PTGER3: variants seen among roughly 807,000 people sequenced by gnomAD.
PTGER3 encodes prostaglandin E receptor 3.
Under a neutral mutation model 34.7 loss-of-function variants are expected in PTGER3, and 22 were observed. The observed-to-expected ratio is 0.63, with a 90% confidence interval of 0.45 to 0.91. The LOEUF (loss-of-function observed/expected upper bound fraction) is 0.91, where lower values mean the gene tolerates loss of function less well. PTGER3 is among the 40% of genes least tolerant of loss of function. PTGER3 has a pLI of 0.00. For synonymous variants in PTGER3, 241 were observed against 230.1 expected, an observed-to-expected ratio of 1.05 and a Z score of -0.43; for missense variants, 468 against 519.4, an observed-to-expected ratio of 0.90 and a Z score of 0.96.
chr1:70,963,047 G>A (rs553588067), intron 2 of PTGER3, among the ~76,000 whole-genome samples: 1 of 152,192 alleles, frequency 6.6e-6, no homozygotes, highest in South Asian at 2.1e-4. Flanking sequence ...AAAATGAAGG[G>A]GATGCAGGCC....
At chr1:70,956,461 G>T (rs889869076) in intron 2 of PTGER3, among the ~76,000 whole-genome samples, 1 of 151,784 alleles carries the variant, frequency 6.6e-6, no homozygotes, top group African/African-American at 2.4e-5. Flanking sequence ...TCTTTAAAAA[G>T]TGGGGCATGA....
At chr1:70,905,869 T>C (rs1052881845) in intron 4 of PTGER3, among the ~76,000 whole-genome samples, 1 of 151,752 alleles carries the variant, frequency 6.6e-6, no homozygotes, top group Non-Finnish European at 1.5e-5. Flanking sequence ...GGGCCAGGAG[T>C]GGAATGACAT....
intron 1 of PTGER3, among the ~76,000 whole-genome samples, chr1:71,034,609 A>G (rs1046529498): frequency 1.3e-5 from 2 of 152,374 alleles, no homozygotes; most frequent in Admixed American, 6.5e-5. Context: ...TAAAATAAAA[A>G]TAAATGTAGT....
intron 2 of PTGER3, chr1:71,011,564 T>A: frequency 3.0e-6 from 3 of 984,980 alleles, no homozygotes; most frequent in Non-Finnish European, 3.6e-6. Flanking sequence ...ATTTGGGTAG[T>A]CACAAACTCC....
chr1:70,993,330 G>T (rs1320731459), intron 2 of PTGER3, among the ~76,000 whole-genome samples: 2 of 152,200 alleles, frequency 1.3e-5, no homozygotes, highest in Non-Finnish European at 1.5e-5. Context: ...TTTATAAAGC[G>T]CATGTGTATA....
At chr1:71,039,649 C>CAAA (rs1183485427) in intron 1 of PTGER3, among the ~76,000 whole-genome samples, 32 of 54,310 alleles carry the variant, frequency 5.9e-4, no homozygotes, top group African/African-American at 9.7e-4. Context: ...GACTCTGTCT[C>CAAA]AAAAAAAAAA....
At chr1:71,041,518 G>C (rs1660311785) in intron 1 of PTGER3, among the ~76,000 whole-genome samples, 1 of 152,102 alleles carries the variant, frequency 6.6e-6, no homozygotes. Context: ...GTAAAATGTT[G>C]CCATATACTT....
chr1:71,020,408 T>C (rs186143701), intron 1 of PTGER3, among the ~76,000 whole-genome samples: 196 of 152,316 alleles, frequency 1.3e-3, no homozygotes, highest in African/African-American at 4.6e-3. Flanking sequence ...GTCATTTATC[T>C]CTGAACTTTA....
intron 4 of PTGER3, chr1:70,862,312 G>C: frequency 7.4e-7 from 1 of 1,356,842 alleles, no homozygotes; most frequent in Admixed American, 1.9e-5. Context: ...TACATCTGCT[G>C]TCAAAATAGT....
intron 4 of PTGER3, among the ~76,000 whole-genome samples, chr1:70,925,747 G>GT (rs1648014642): frequency 6.6e-6 from 1 of 152,116 alleles, no homozygotes; most frequent in African/African-American, 2.4e-5. Flanking sequence ...CTTAAGTGGG[G>GT]TTTTGTTAGT....
chr1:71,007,500 T>C (rs1005872253), intron 2 of PTGER3: 152 of 985,296 alleles, frequency 1.5e-4, no homozygotes, highest in Middle Eastern at 5.2e-4. Flanking sequence ...CAAAGATAAA[T>C]GCAGTCGGTC....
At chr1:70,960,747 C>T (rs1371404932) in intron 2 of PTGER3, among the ~76,000 whole-genome samples, 1 of 152,088 alleles carries the variant, frequency 6.6e-6, no homozygotes, top group Non-Finnish European at 1.5e-5. Context: ...TAAACTGCTC[C>T]TTAAAAAATA....
intron 2 of PTGER3, among the ~76,000 whole-genome samples, chr1:70,964,708 A>G (rs594095): frequency 2.4e-4 from 36 of 152,124 alleles, no homozygotes; most frequent in Non-Finnish European, 5.9e-5. Context: ...TCAAGCGGTT[A>G]TTCAGAAAAT....
rs145553663 is a variant in PTGER3, at chr1:70,988,393, C to T, written c.1078-14005G>A. On this transcript the variant is annotated intron_variant, in intron 2 of 3. Transcript: ENST00000306666. ...AGAGCCCTGATTATGAGGTGGATAC[C>T]GACTAAAACACTGCATTTCCAGACT... Among the ~76,000 whole-genome samples the T allele has an allele frequency of 1.8e-4, 28 of 152,230 alleles. No homozygotes were observed. The East Asian group carries it at 4.4e-3, about 24-fold the overall frequency.
chr1:71,008,395 CTT>C, intron 2 of PTGER3: 2 of 873,960 alleles, frequency 2.3e-6, no homozygotes, highest in Non-Finnish European at 2.7e-6. Flanking sequence ...TATGACTAAA[CTT>C]ATATAAATTA....
chr1:71,019,547 T>C (rs1388411272), intron 1 of PTGER3, among the ~76,000 whole-genome samples: 1 of 152,178 alleles, frequency 6.6e-6, no homozygotes, highest in Non-Finnish European at 1.5e-5. Context: ...CCCTGTCTAC[T>C]GTCAAGTACA....
intron 4 of PTGER3, among the ~76,000 whole-genome samples, chr1:70,925,711 A>C (rs1188168547): frequency 6.6e-6 from 1 of 152,198 alleles, no homozygotes; most frequent in Admixed American, 6.6e-5. Flanking sequence ...ATGAAAAATA[A>C]GGAAAGTATA....
intron 4 of PTGER3, among the ~76,000 whole-genome samples, chr1:70,927,123 G>A (rs1462228079): frequency 6.6e-6 from 1 of 152,250 alleles, no homozygotes; most frequent in African/African-American, 2.4e-5. Context: ...GTTCATCAAG[G>A]ATATTGGTCT....
chr1:71,025,756 A>C (rs1037085122), intron 1 of PTGER3, among the ~76,000 whole-genome samples: 1 of 152,190 alleles, frequency 6.6e-6, no homozygotes, highest in Non-Finnish European at 1.5e-5. Flanking sequence ...AAGAGGAGAG[A>C]AAGTCACCAG....
Sources: gnomAD v4.1 joint callset for allele counts (sites outside exome capture counted in the v4.1 genomes callset) on GRCh38, gnomAD v4.1.1 for gene constraint, MANE v1.5 for transcripts, NCBI Gene and HGNC (gene_info 2026-07-23, HGNC 2026-07-21) for gene names.